Variants in CERCAM observed in about 807,000 individuals in gnomAD.
CERCAM encodes the protein inactive glycosyltransferase 25 family member 3.
A neutral mutation model predicts 66.0 loss-of-function variants in CERCAM; 59 were observed. The ratio of observed to expected loss-of-function variants is 0.89; its 90% CI spans 0.73 to 1.11. The LOEUF (loss-of-function observed/expected upper bound fraction) is 1.11, where lower values mean the gene tolerates loss of function less well. Ranked by LOEUF, CERCAM falls within the 50% of genes most tolerant of loss-of-function variation. The pLI, the probability that CERCAM is intolerant of heterozygous loss-of-function variation, is 0.00. For synonymous variants in CERCAM, 318 were observed against 343.6 expected (o/e 0.93, Z 0.83); for missense variants, 840 against 828.3 (o/e 1.01, Z -0.17).
Position 128,424,251 on chromosome 9 carries a change from C to A in CERCAM, c.540C>A (p.Phe180Leu). 6.2e-7 allele frequency: 1 copy of A among 1,614,180 alleles called. No individual in the cohort carries two copies. Among genetic ancestry groups the A allele is most frequent in the Non-Finnish European group, 8.5e-7 (1 of 1,180,024 alleles). The change falls in exon 4 of 13, where the codon TTC becomes TTA. Residue 180 changes from phenylalanine (F) to leucine (L), a missense_variant. Phe to Leu is a conservative substitution (Grantham distance 22). Transcript: ENST00000372838. ...ACTCCCAGACCTACTACTCCAACTT[C>A]TGGTGTGGGATCACCCCCCAGGTGA... ...MLDSQTYYSN[F>L]WCGITPQGYY...
intron 11 of CERCAM, among the ~76,000 whole-genome samples, 159 bp from the exon 12 acceptor site, chr9:128,435,494 A>G (rs1834086605): frequency 6.6e-6 from 1 of 152,124 alleles, no homozygotes; most frequent in African/African-American, 2.4e-5. Flanking sequence ...CATCTGGAAA[A>G]TGGAGGTAGT....
At position 128,434,242 on chromosome 9, in the gene CERCAM, C is replaced by T. The variant is rs368478455; in HGVS notation, c.1331+13C>T. On this transcript the variant is annotated intron_variant, in intron 10 of 12. Transcript: ENST00000372838. This position sits in a 1 kb window ranked among gnomAD's most constrained non-coding sequence, Gnocchi z 4.5. ...CTTGGGACCTGATGTAGGCAGCCTG[C>T]ACCCTCAGGGACAAGGGGGCAGGGT... 3 of 1,613,740 alleles carry T rather than the reference C, an allele frequency of 1.9e-6. No homozygotes were observed. Among genetic ancestry groups the T allele is most frequent in the Non-Finnish European group, 1.7e-6 (2 of 1,179,892 alleles).
chr9:128,436,196 C>T (rs555661088), intron 12 of CERCAM, among the ~76,000 whole-genome samples: 2 of 152,104 alleles, frequency 1.3e-5, no homozygotes, highest in South Asian at 2.1e-4. Flanking sequence ...ACTGGGATTA[C>T]AGGCACCCAC....
intron 1 of CERCAM, chr9:128,421,898 C>T (rs1009709744): frequency 6.6e-6 from 1 of 152,248 alleles, no homozygotes; most frequent in African/African-American, 2.4e-5. Context: ...CCCTGTAAGA[C>T]TTGACACGTA....
intron 3 of CERCAM, among the ~76,000 whole-genome samples, chr9:128,423,473 T>G (rs1833760526): frequency 6.6e-6 from 1 of 151,894 alleles, no homozygotes; most frequent in African/African-American, 2.4e-5. Context: ...AATAATTAGC[T>G]GGGCGTGGTC....
rs1281609277 is a variant in CERCAM, at chr9:128,435,682, G to A, written c.1565G>A (p.Arg522Gln). The A allele has an allele frequency of 1.1e-5, 17 of 1,613,462 alleles. No homozygotes were observed. Among genetic ancestry groups the A allele is most frequent in the East Asian group, 4.5e-5 (2 of 44,894 alleles). Residue 522 changes from arginine to glutamine, a missense_variant, in exon 12 of 13, where the codon CGG (arginine) becomes CAG (glutamine). By Grantham distance (43) the Arg-to-Gln change is conservative (BLOSUM62 1). Transcript: ENST00000372838. Reference sequence around the variant, plus strand: ...CAGTACAAGGCACACTTCTGGCCACGGGACCTGGTGGCCTTCTCCGCCCAG... The same window carrying A: ...CAGTACAAGGCACACTTCTGGCCACAGGACCTGGTGGCCTTCTCCGCCCAG... ...NEQYKAHFWP[R>Q]DLVAFSAQPL...
chr9:128,433,254 G>A (rs1235140444), intron 9 of CERCAM, among the ~76,000 whole-genome samples: 9 of 145,028 alleles, frequency 6.2e-5, no homozygotes, highest in Non-Finnish European at 1.2e-4. Flanking sequence ...ACTCCAGCCC[G>A]GGCGACAGAG....
chr9:128,431,370 G>A, intron 9 of CERCAM, 67 bp downstream of exon 9: 7 of 1,591,624 alleles, frequency 4.4e-6, no homozygotes, highest in Non-Finnish European at 6.0e-6. Context: ...TCTATTCACT[G>A]CTCTGTGAAC....
In CERCAM at chr9:128,428,982, C is replaced by G; in HGVS notation, c.1016C>G (p.Ala339Gly). ...CCTGACCGTCGGGAACGCATGCTCG[C>G]CTCGCTCTGGGAGATGGAGATCTCT... Reference protein sequence around the residue: ...RRPDRRERMLASLWEMEISGR... With the variant: ...RRPDRRERMLGSLWEMEISGR... The change falls in exon 8 of 13, where the codon GCC becomes GGC. Residue 339 changes from alanine to glycine, a missense_variant. Physicochemically the swap from Ala to Gly is moderately conservative, Grantham distance 60. Coordinates refer to ENST00000372838, the MANE Select transcript of CERCAM (RefSeq NM_016174.5). 1.2e-6 allele frequency: 2 copies of G among 1,611,406 alleles called. No homozygotes were observed. The highest frequency in any genetic ancestry group is 1.7e-6 in the Non-Finnish European group (2 of 1,179,260).
rs769918619 is a variant in CERCAM at position 128,434,421 on chromosome 9, G to A, written c.1343G>A (p.Arg448Gln). ...KLSWDLIYLG[R>Q]KQVNPEKETA... ...GGTGTCACTTACAGCTACCTCGGAC[G>A]GAAGCAGGTGAACCCTGAGAAGGAG... The change falls in exon 11 of 13, where the codon CGG becomes CAG. Residue 448 changes from arginine (R) to glutamine (Q), a missense_variant. By Grantham distance (43) the Arg-to-Gln change is conservative. Transcript: ENST00000372838. The surrounding 1 kb of genome is among the most constrained non-coding windows in gnomAD (Gnocchi z 4.5). 1.7e-5 allele frequency: 27 copies of A among 1,613,972 alleles called. No homozygotes were observed. Among genetic ancestry groups the A allele is most frequent in the Middle Eastern group, 3.3e-4 (2 of 6,052 alleles).
At position 128,434,301 on chromosome 9, in the gene CERCAM, C is replaced by T. The variant is rs1436051340; in HGVS notation, c.1331+72C>T. 1 of 1,603,200 alleles carries T rather than the reference C, an allele frequency of 6.2e-7. No individual in the cohort carries two copies. The highest frequency in any genetic ancestry group is 8.5e-7 in the Non-Finnish European group (1 of 1,173,444). Reference sequence around the variant, plus strand: ...GGAGTCTGCCTTTTCCTGCTTGGGACCCTGGCCGGCCCATCCCCTGAGAGC... The same window carrying T: ...GGAGTCTGCCTTTTCCTGCTTGGGATCCTGGCCGGCCCATCCCCTGAGAGC... On this transcript the variant is annotated intron_variant, in intron 10 of 12. Coordinates refer to ENST00000372838, the MANE Select transcript of CERCAM (RefSeq NM_016174.5). The surrounding 1 kb of genome is among the most constrained non-coding windows in gnomAD (Gnocchi z 4.5).
chr9:128,431,247 A>G lies in CERCAM; in HGVS notation c.1147A>G (p.Thr383Ala). ...CTACCAGGACCCTTACTCGGGCCGCACTCTGACCAAGGGCGAGGTGGGCTG... is the reference window on the plus strand; with the variant it reads ...CTACCAGGACCCTTACTCGGGCCGCGCTCTGACCAAGGGCGAGGTGGGCTG... The part of the protein sequence containing the change: ...PGYQDPYSGR[T>A]LTKGEVGCFL... Residue 383 changes from threonine to alanine, a missense_variant, in exon 9 of 13, where the codon ACT becomes GCT. Physicochemically the swap from Thr to Ala is moderately conservative, Grantham distance 58 (BLOSUM62 0). Coordinates refer to ENST00000372838, the MANE Select transcript of CERCAM (RefSeq NM_016174.5). 3 of 1,613,822 alleles carry G rather than the reference A, an allele frequency of 1.9e-6. No homozygotes were observed. Among genetic ancestry groups the G allele is most frequent in the South Asian group, 2.2e-5 (2 of 91,060 alleles).
Position 128,423,150 on chromosome 9 carries a change from T to C in CERCAM, c.313T>C (p.Tyr105His). The change falls in exon 3 of 13, where the codon TAC becomes CAC. Residue 105 changes from tyrosine to histidine, a missense_variant. Coordinates refer to ENST00000372838, the MANE Select transcript of CERCAM (RefSeq NM_016174.5). Reference sequence around the variant, plus strand: ...ATCTCACCTCTATCCCCTCAGGTTCTACCCAGATGAAGAGGGTCCCAAGCA... The same window carrying C: ...ATCTCACCTCTATCCCCTCAGGTTCCACCCAGATGAAGAGGGTCCCAAGCA... ...VWRPEGEPRF[Y>H]PDEEGPKHWT... 6.2e-7 allele frequency: 1 copy of C among 1,614,044 alleles called. No individual in the cohort carries two copies. The highest frequency in any genetic ancestry group is 8.5e-7 in the Non-Finnish European group (1 of 1,179,960).
At chr9:128,436,502 C>G (rs1272677616) in intron 12 of CERCAM, among the ~76,000 whole-genome samples, 1 of 152,186 alleles carries the variant, frequency 6.6e-6, no homozygotes, top group African/African-American at 2.4e-5. Flanking sequence ...CCCGCCTCAG[C>G]TTCCCAATGT....
At position 128,431,292 on chromosome 9, in the gene CERCAM, A is replaced by G; in HGVS notation, c.1192A>G (p.Ile398Val). ...EVGCFLSHYS[I>V]WEEVVARGLA... ...GGGCTGCTTCCTCAGCCATTACTCC[A>G]TCTGGGAAGAGGTGAGGGTGCCTGC... The change falls in exon 9 of 13, where the codon ATC becomes GTC. Residue 398 changes from isoleucine (I) to valine (V), a missense_variant. Transcript: ENST00000372838. The G allele has an allele frequency of 6.2e-7, 1 of 1,614,028 alleles. No homozygotes were observed. The highest frequency in any genetic ancestry group is 2.2e-5 in the East Asian group (1 of 44,874).
intron 9 of CERCAM, among the ~76,000 whole-genome samples, chr9:128,432,814 T>G (rs1588627526): frequency 6.6e-6 from 1 of 151,908 alleles, no homozygotes; most frequent in Non-Finnish European, 1.5e-5. Context: ...GGGGCTGGGG[T>G]CTTCCCACCC....
chr9:128,430,230 C>T (rs1833944109), intron 8 of CERCAM, among the ~76,000 whole-genome samples: 1 of 151,990 alleles, frequency 6.6e-6, no homozygotes, highest in Admixed American at 6.6e-5. Context: ...GGTGAAACCC[C>T]CTCTCTACTA....
intron 5 of CERCAM, among the ~76,000 whole-genome samples, chr9:128,426,095 C>T (rs959346493): frequency 1.3e-5 from 2 of 152,010 alleles, no homozygotes; most frequent in African/African-American, 4.8e-5. Flanking sequence ...TGAGCCACCG[C>T]CCCCGGCTGC....
chr9:128,427,170 T>C (rs1833864420), intron 5 of CERCAM, among the ~76,000 whole-genome samples: 1 of 152,114 alleles, frequency 6.6e-6, no homozygotes, highest in African/African-American at 2.4e-5. Flanking sequence ...TGGAGTGCAG[T>C]GGCGCGATTT....
Sources: gnomAD v4.1 joint callset for allele counts (sites outside exome capture counted in the v4.1 genomes callset) on GRCh38, gnomAD v4.1.1 for gene constraint, Gnocchi (gnomAD v3.1) non-coding constraint, MANE v1.5 for transcripts, NCBI Gene and HGNC (gene_info 2026-07-23, HGNC 2026-07-21) for gene names.